Variants in MEGF11 observed in about 807,000 individuals in gnomAD.
MEGF11 encodes multiple EGF like domains 11, also known as multiple epidermal growth factor-like domains protein 11.
MEGF11 carries 126 observed loss-of-function variants against 146.6 expected under a neutral mutation model. The observed-to-expected ratio is 0.86, with a 90% CI of 0.74 to 1.00. The LOEUF is 1.00. Ranked by LOEUF, MEGF11 falls within the 50% of genes least tolerant of loss-of-function variation. The pLI is 0.00. For synonymous variants in MEGF11, 532 were observed against 583.4 expected (o/e 0.91, Z 1.27); for missense variants, 1,509 against 1,521.2 (o/e 0.99, Z 0.13).
chr15:66,191,085 T>C (rs182748032), intron 1 of MEGF11, among the ~76,000 whole-genome samples: 118 of 152,218 alleles, frequency 7.8e-4, no homozygotes, highest in Admixed American at 2.2e-3. Context: ...TCTCCCCCGA[T>C]ATCAGGCCAG....
chr15:66,136,922 A>G (rs751585085), intron 1 of MEGF11, among the ~76,000 whole-genome samples: 1 of 152,172 alleles, frequency 6.6e-6, no homozygotes, highest in Non-Finnish European at 1.5e-5. Flanking sequence ...AGTCCTAACT[A>G]CTAGGGAGGT....
At chr15:66,118,245 G>C (rs1273744025) in intron 4 of MEGF11, among the ~76,000 whole-genome samples, 2 of 152,042 alleles carry the variant, frequency 1.3e-5, no homozygotes, top group Non-Finnish European at 2.9e-5. Context: ...AGGTGAGTGG[G>C]GAAAGAGTCC....
At chr15:66,120,961 A>G (rs1202655884) in intron 3 of MEGF11, among the ~76,000 whole-genome samples, 2 of 152,154 alleles carry the variant, frequency 1.3e-5, no homozygotes, top group African/African-American at 4.8e-5. Flanking sequence ...CAAGAGAGGG[A>G]AGCAAGGCCA....
At chr15:66,184,444 C>A (rs62009888) in intron 1 of MEGF11, among the ~76,000 whole-genome samples, 32,336 of 151,646 alleles carry the variant, frequency 0.21, 3,830 homozygotes, top group East Asian at 0.47. Flanking sequence ...ATTTCATCTT[C>A]ACCCTCCATT....
At chr15:66,077,959 C>T (rs1597059019) in intron 5 of MEGF11, among the ~76,000 whole-genome samples, 2 of 152,282 alleles carry the variant, frequency 1.3e-5, no homozygotes, top group East Asian at 1.9e-4. Flanking sequence ...ATGAGCACTT[C>T]CCGGCAGGCA....
At chr15:66,037,087 T>G (rs1026619555) in intron 5 of MEGF11, among the ~76,000 whole-genome samples, 2 of 152,212 alleles carry the variant, frequency 1.3e-5, no homozygotes, top group African/African-American at 4.8e-5. Flanking sequence ...TTACCCTGCA[T>G]GCAGATGGCC....
intron 4 of MEGF11, among the ~76,000 whole-genome samples, chr15:66,114,549 T>C (rs1265229713): frequency 6.6e-6 from 1 of 152,232 alleles, no homozygotes; most frequent in Non-Finnish European, 1.5e-5. Flanking sequence ...CAAACTCTAC[T>C]ACATATGTGA....
intron 1 of MEGF11, among the ~76,000 whole-genome samples, chr15:66,184,697 C>T (rs1042006389): frequency 2.0e-5 from 3 of 151,772 alleles, no homozygotes; most frequent in African/African-American, 7.3e-5. Context: ...CCTCTCCTCT[C>T]ACTCTCCACC....
At chr15:66,019,201 T>C (rs554120888) in intron 5 of MEGF11, among the ~76,000 whole-genome samples, 1 of 152,264 alleles carries the variant, frequency 6.6e-6, no homozygotes, top group African/African-American at 2.4e-5. Context: ...CTCCTGACCC[T>C]TCCCTTCTGG....
chr15:66,208,626 A>C (rs12903259), intron 1 of MEGF11, among the ~76,000 whole-genome samples: 73,383 of 152,016 alleles, frequency 0.48, 18,172 homozygotes, highest in African/African-American at 0.51. Context: ...TCATGCCTGT[A>C]ATCTCAGCAC....
chr15:66,037,516 T>C (rs149900652), intron 5 of MEGF11, among the ~76,000 whole-genome samples: 54 of 152,252 alleles, frequency 3.5e-4, no homozygotes, highest in African/African-American at 1.3e-3. Context: ...CATGTGTAGG[T>C]CCATAGAGAA....
At chr15:66,061,565 A>AT (rs2084908194) in intron 5 of MEGF11, among the ~76,000 whole-genome samples, 1 of 151,652 alleles carries the variant, frequency 6.6e-6, no homozygotes, top group Non-Finnish European at 1.5e-5. Context: ...ATGATCACAG[A>AT]TTGTCATCAA....
At chr15:66,118,357 C>T (rs750185909) in intron 4 of MEGF11, among the ~76,000 whole-genome samples, 71 of 152,178 alleles carry the variant, frequency 4.7e-4, no homozygotes, top group Non-Finnish European at 7.8e-4. Context: ...GCTCCTGCTC[C>T]GGGGTGCCTC....
intron 1 of MEGF11, among the ~76,000 whole-genome samples, chr15:66,145,964 G>T (rs933985536): frequency 4.6e-5 from 7 of 152,166 alleles, no homozygotes; most frequent in Admixed American, 3.9e-4. Context: ...ACCGTTGGGC[G>T]CACAGTAAAC....
intron 5 of MEGF11, among the ~76,000 whole-genome samples, chr15:65,988,717 G>T (rs1400075259): frequency 6.6e-6 from 1 of 152,246 alleles, no homozygotes; most frequent in Non-Finnish European, 1.5e-5. Context: ...TACTGTATAG[G>T]AAGGTTTAGG....
At chr15:66,216,299 T>C (rs975318291) in intron 1 of MEGF11, among the ~76,000 whole-genome samples, 2 of 152,138 alleles carry the variant, frequency 1.3e-5, no homozygotes, top group African/African-American at 2.4e-5. Context: ...GCAGCCATCA[T>C]GTAGGGGGAT....
At chr15:65,979,576 G>A (rs1182255654) in intron 7 of MEGF11, among the ~76,000 whole-genome samples, 1 of 152,212 alleles carries the variant, frequency 6.6e-6, no homozygotes, top group East Asian at 1.9e-4. Context: ...AGAGTCAGAG[G>A]CAGGGACGCA....
chr15:66,061,030 C>T (rs2084885319), intron 5 of MEGF11, among the ~76,000 whole-genome samples: 1 of 152,166 alleles, frequency 6.6e-6, no homozygotes, highest in African/African-American at 2.4e-5. Flanking sequence ...CAGCTAGGGC[C>T]AGGGTAGCAG....
At position 65,897,981 on chromosome 15, in the gene MEGF11, C is replaced by T. The variant is rs1359457956; in HGVS notation, c.3376G>A (p.Val1126Ile). ...HIPGHYDLLP[V>I]RQSPANGPSQ... The stretch of plus-strand genomic sequence containing the variant: ...GGCCCATTGGCAGGGCTCTGTCTTA[C>T]TGGGAGGAGGTCATAATGACCAGGA... The change falls in exon 26 of 26, where the codon GTA becomes ATA. Residue 1126 changes from valine to isoleucine, a missense_variant. Transcript: ENST00000395614. 3 of 1,614,036 alleles carry T rather than the reference C, an allele frequency of 1.9e-6. No homozygotes were observed. The highest frequency in any genetic ancestry group is 2.5e-6 in the Non-Finnish European group (3 of 1,179,880).
Sources: gnomAD v4.1 joint callset for allele counts (sites outside exome capture counted in the v4.1 genomes callset) on GRCh38, gnomAD v4.1.1 for gene constraint, MANE v1.5 for transcripts, NCBI Gene and HGNC (gene_info 2026-07-23, HGNC 2026-07-21) for gene names.